The following EPS8 variants were observed in gnomAD, a reference collection of about 807,000 sequenced individuals.
EPS8 encodes epidermal growth factor receptor kinase substrate 8.
EPS8 carries 42 observed loss-of-function variants against 103.8 expected under a neutral mutation model. The observed-to-expected ratio is 0.40, with a 90% confidence interval of 0.32 to 0.52. The LOEUF is 0.52. EPS8 is among the 20% of genes least tolerant of loss of function. The pLI is 0.40. For synonymous variants in EPS8, 344 were observed against 344.6 expected, an observed-to-expected ratio of 1.00 and a Z score of 0.02; for missense variants, 969 against 1,005.1, an observed-to-expected ratio of 0.96 and a Z score of 0.49.
chr12:15,729,392 A>G (rs1946688491), intron 1 of EPS8, among the ~76,000 whole-genome samples: 1 of 152,070 alleles, frequency 6.6e-6, no homozygotes, highest in South Asian at 2.1e-4. Context: ...CCCATTCTGC[A>G]TATGTTACAC....
chr12:15,673,756 G>A (rs1591842661), intron 3 of EPS8, among the ~76,000 whole-genome samples: 1 of 152,274 alleles, frequency 6.6e-6, no homozygotes, highest in East Asian at 1.9e-4. Context: ...GAATAAACAT[G>A]GCAGTAGGGT....
chr12:15,665,957 A>G, intron 7 of EPS8, 65 bp from the exon 8 acceptor site: 1 of 1,501,772 alleles, frequency 6.7e-7, no homozygotes, highest in Non-Finnish European at 9.1e-7. Context: ...CAATTAACTC[A>G]ACTTGTGGTA....
At chr12:15,623,054 T>C in intron 20 of EPS8, 104 bp downstream of exon 20, 1 of 1,130,936 alleles carries the variant, frequency 8.8e-7, no homozygotes, top group Non-Finnish European at 1.2e-6. Context: ...TTAAATTTAA[T>C]TCAGCTCTGT....
intron 1 of EPS8, among the ~76,000 whole-genome samples, chr12:15,715,999 G>A (rs1257726346): frequency 6.6e-6 from 1 of 152,012 alleles, no homozygotes; most frequent in Admixed American, 6.6e-5. Flanking sequence ...ATTCCTCGAT[G>A]AGAAAATCAG....
In EPS8 at chr12:15,749,595, A is replaced by C. The variant is rs1946910122; in HGVS notation, c.-22+39566T>G. 6.6e-6 allele frequency among the ~76,000 whole-genome samples: 1 copy of C among 152,194 alleles called. No homozygotes were observed. The highest frequency in any genetic ancestry group is 1.5e-5 in the Non-Finnish European group (1 of 68,036). On this transcript the variant is annotated intron_variant, in intron 1 of 20. Transcript: ENST00000281172. The surrounding 1 kb of genome is among the most constrained non-coding windows in gnomAD (Gnocchi z 4.0). ...GCTGCGACTATGCCTCACTCAGAGA[A>C]GGGACTCAATAAATACTTGATGATG...
rs1268612489 is a variant in EPS8, at chr12:15,704,050, T to C, written c.-21-21078A>G. Among the ~76,000 whole-genome samples the C allele has an allele frequency of 3.9e-5, 6 of 152,078 alleles. No individual in the cohort carries two copies. Among genetic ancestry groups the C allele is most frequent in the Admixed American group, 2.6e-4 (4 of 15,256 alleles). ...CAATGAAGCTATCTTCATCCTATTT[T>C]AGAAAGTTCATTGTAAAATTCCAAA... On this transcript the variant is annotated intron_variant, in intron 1 of 20. Coordinates refer to ENST00000281172, the MANE Select transcript of EPS8 (RefSeq NM_004447.6). This position sits in a 1 kb window ranked among gnomAD's most constrained non-coding sequence, Gnocchi z 4.6.
At chr12:15,672,266 A>G (rs1373891929) in intron 3 of EPS8, among the ~76,000 whole-genome samples, 1 of 152,164 alleles carries the variant, frequency 6.6e-6, no homozygotes, top group Non-Finnish European at 1.5e-5. Flanking sequence ...AATTTTAAGA[A>G]AACTTAATAA....
At chr12:15,656,373 C>A (rs1240000272) in intron 12 of EPS8, among the ~76,000 whole-genome samples, 1 of 152,138 alleles carries the variant, frequency 6.6e-6, no homozygotes, top group Non-Finnish European at 1.5e-5. Context: ...AAGTAGAAAT[C>A]TGATGCTCCA....
intron 1 of EPS8, among the ~76,000 whole-genome samples, chr12:15,775,214 C>G (rs917924244): frequency 6.6e-6 from 1 of 152,080 alleles, no homozygotes; most frequent in Non-Finnish European, 1.5e-5. Context: ...GAATTTTCCC[C>G]ATCTCTAAGG....
chr12:15,755,928 T>C (rs970319870), intron 1 of EPS8, among the ~76,000 whole-genome samples: 8 of 152,302 alleles, frequency 5.3e-5, no homozygotes, highest in African/African-American at 1.9e-4. Flanking sequence ...TTGTACACTT[T>C]CCAGAACTGA....
At chr12:15,640,882 T>C in intron 16 of EPS8, 36 bp from the exon 17 acceptor site, 1 of 1,595,824 alleles carries the variant, frequency 6.3e-7, no homozygotes, top group Non-Finnish European at 8.5e-7. Flanking sequence ...ATAATTTCCA[T>C]ATAAAAGCCA....
intron 1 of EPS8, among the ~76,000 whole-genome samples, chr12:15,689,170 T>C (rs916457646): frequency 6.6e-6 from 1 of 152,194 alleles, no homozygotes; most frequent in Non-Finnish European, 1.5e-5. Flanking sequence ...CATTGTGTGA[T>C]AGTTTGACCA....
intron 1 of EPS8, among the ~76,000 whole-genome samples, chr12:15,783,791 C>G (rs1283000953): frequency 6.6e-6 from 1 of 150,782 alleles, no homozygotes; most frequent in Non-Finnish European, 1.5e-5. Flanking sequence ...ACAGTACATG[C>G]TGTATTATAT....
rs775478207 is a variant in EPS8 at position 15,759,532 on chromosome 12, T to C, written c.-22+29629A>G. On this transcript the variant is annotated intron_variant, in intron 1 of 20. Transcript: ENST00000281172. The surrounding 1 kb of genome is among the most constrained non-coding windows in gnomAD (Gnocchi z 4.9). ...CAGAATTCCAATTGTGTTTTCATTATAAAATTATGGTTACAGATAGACCAT... is the reference window on the plus strand; with the variant it reads ...CAGAATTCCAATTGTGTTTTCATTACAAAATTATGGTTACAGATAGACCAT... 4.3e-4 allele frequency among the ~76,000 whole-genome samples: 66 copies of C among 152,220 alleles called. No individual in the cohort carries two copies. The highest frequency in any genetic ancestry group is 8.3e-4 in the South Asian group (4 of 4,828).
At chr12:15,763,233 G>A (rs1019679343) in intron 1 of EPS8, among the ~76,000 whole-genome samples, 8 of 152,110 alleles carry the variant, frequency 5.3e-5, no homozygotes, top group African/African-American at 1.9e-4. Context: ...GAGGGAAAAT[G>A]AGTGTGTATG....
chr12:15,710,139 A>G (rs1314056075), intron 1 of EPS8, among the ~76,000 whole-genome samples: 2 of 152,204 alleles, frequency 1.3e-5, no homozygotes, highest in Non-Finnish European at 2.9e-5. Context: ...TGGTCTGGCC[A>G]ACTGTATAAA....
intron 1 of EPS8, among the ~76,000 whole-genome samples, chr12:15,753,948 T>C (rs910151883): frequency 2.6e-5 from 4 of 152,168 alleles, no homozygotes; most frequent in African/African-American, 9.7e-5. Flanking sequence ...GACAGCTGGG[T>C]ATTTCATCTT....
chr12:15,698,632 CTATTTAGCTGGGGAAAACATG>C lies in EPS8; in HGVS notation c.-21-15681_-21-15661del, dbSNP rs1270130258. Reference sequence around the variant, plus strand: ...ACCGGCACATAGTAGCACATTCAAACTATTTAGCTGGGGAAAACATGATGACTTTCCCTGCCCTCCTAAGAA... The same window carrying C: ...ACCGGCACATAGTAGCACATTCAAACATGACTTTCCCTGCCCTCCTAAGAA... On this transcript the variant is annotated intron_variant, in intron 1 of 20. Transcript: ENST00000281172. The surrounding 1 kb of genome is among the most constrained non-coding windows in gnomAD (Gnocchi z 4.9). Among the ~76,000 whole-genome samples, 9 of 151,946 alleles carry C rather than the reference CTATTTAGCTGGGGAAAACATG, an allele frequency of 5.9e-5. No homozygotes were observed. The highest frequency in any genetic ancestry group is 2.2e-4 in the African/African-American group (9 of 41,350).
rs539336628 is a variant in EPS8, at chr12:15,767,436, G to GA, written c.-22+21724dup. Among the ~76,000 whole-genome samples, 60 of 152,204 alleles carry GA rather than the reference G, an allele frequency of 3.9e-4. No homozygotes were observed. The highest frequency in any genetic ancestry group is 1.1e-3 in the African/African-American group (45 of 41,532). On this transcript the variant is annotated intron_variant, in intron 1 of 20. Coordinates refer to ENST00000281172, the MANE Select transcript of EPS8 (RefSeq NM_004447.6). This position sits in a 1 kb window ranked among gnomAD's most constrained non-coding sequence, Gnocchi z 5.5. The stretch of plus-strand genomic sequence containing the variant: ...CTAAAGCCACAACAGGTTGCACACA[G>GA]AAAAAAGCCGTTAAATGACACAGTG...
Sources: allele counts gnomAD v4.1 joint callset (sites outside exome capture counted in the v4.1 genomes callset), GRCh38; gene constraint gnomAD v4.1.1; non-coding constraint Gnocchi (gnomAD v3.1); transcripts MANE v1.5; gene names NCBI Gene and HGNC (gene_info 2026-07-23, HGNC 2026-07-21).